GRIK2: variants seen among roughly 807,000 people sequenced by gnomAD.
The protein encoded by GRIK2 is glutamate receptor ionotropic, kainate 2.
GRIK2 carries 32 observed loss-of-function variants against 100.3 expected under a neutral mutation model. That is an observed-to-expected ratio of 0.32 (90% CI 0.24 to 0.43). The LOEUF (loss-of-function observed/expected upper bound fraction) is 0.43. Ranked by LOEUF, GRIK2 falls within the 20% of genes least tolerant of loss-of-function variation. The pLI, the probability that GRIK2 is intolerant of heterozygous loss-of-function variation, is 1.00. For synonymous variants in GRIK2, 417 were observed against 389.4 expected (o/e 1.07, Z -0.83); for missense variants, 843 against 1,114.9 (o/e 0.76, Z 3.47).
At chr6:102,002,890 T>C (rs1021134667) in intron 14 of GRIK2, among the ~76,000 whole-genome samples, 2 of 142,276 alleles carry the variant, frequency 1.4e-5, no homozygotes, top group Non-Finnish European at 3.1e-5. Context: ...TATATTCTAT[T>C]CATCTATGTT....
Position 101,897,425 on chromosome 6 carries a change from T to TGAG in GRIK2, c.1748+7562_1748+7563insGAG, listed in dbSNP as rs150080890. 5.7e-3 allele frequency among the ~76,000 whole-genome samples: 870 copies of TGAG among 151,866 alleles called. 10 individuals are homozygous for TGAG. Among genetic ancestry groups the TGAG allele is most frequent in the African/African-American group, 0.02 (828 of 41,524 alleles). ...TGAATTGCTTGTAAGAATACACCTC[T>TGAG]CCAGGCTGGTCTGTCTGTGGTAATT... is the stretch of plus-strand genomic sequence containing the variant. On this transcript the variant is annotated intron_variant, in intron 12 of 16. Coordinates refer to ENST00000369134, the MANE Select transcript of GRIK2 (RefSeq NM_021956.5).
intron 2 of GRIK2, among the ~76,000 whole-genome samples, chr6:101,545,773 A>G (rs1391473614): frequency 4.6e-5 from 7 of 152,194 alleles, no homozygotes; most frequent in Non-Finnish European, 8.8e-5. Flanking sequence ...CACAAACCTT[A>G]AAGTCTTTCT....
chr6:101,689,184 G>T (rs1771917375), intron 7 of GRIK2, among the ~76,000 whole-genome samples: 1 of 151,980 alleles, frequency 6.6e-6, no homozygotes, highest in Admixed American at 6.6e-5. Flanking sequence ...AGAGAAAAAA[G>T]AATTATAGCC....
At chr6:101,926,195 GTTTTT>G (rs35007201) in intron 13 of GRIK2, among the ~76,000 whole-genome samples, 1 of 127,582 alleles carries the variant, frequency 7.8e-6, no homozygotes, top group Non-Finnish European at 1.6e-5. Context: ...GGGTCCAAGG[GTTTTT>G]TTTTTTTTTT....
chr6:101,852,945 CT>C (rs1323484749), intron 10 of GRIK2, among the ~76,000 whole-genome samples: 1 of 152,144 alleles, frequency 6.6e-6, no homozygotes, highest in Admixed American at 6.5e-5. Context: ...TTGTGTACCC[CT>C]GGGGAATAAA....
chr6:101,995,859 A>T (rs1190736672), intron 14 of GRIK2, among the ~76,000 whole-genome samples: 2 of 152,066 alleles, frequency 1.3e-5, no homozygotes, highest in African/African-American at 4.8e-5. Context: ...AGTCTAGTTT[A>T]AACAACATAC....
At chr6:101,494,375 AT>A (rs566394422) in intron 2 of GRIK2, among the ~76,000 whole-genome samples, 64 of 151,972 alleles carry the variant, frequency 4.2e-4, no homozygotes, top group African/African-American at 1.5e-3. Context: ...AATAAATTAA[AT>A]TTAAAAGAGT....
chr6:102,054,245 T>C (rs572696055), intron 15 of GRIK2, among the ~76,000 whole-genome samples: 4 of 152,322 alleles, frequency 2.6e-5, no homozygotes, highest in Admixed American at 6.5e-5. Context: ...TTTCTACTTT[T>C]ACATTGCCTA....
chr6:101,398,884 A>T, intron 1 of GRIK2, 101 bp from the exon 2 acceptor site: 1 of 423,904 alleles, frequency 2.4e-6, no homozygotes, highest in Non-Finnish European at 4.1e-6. Context: ...AACCTTTGCT[A>T]GCAAAGCGCC....
chr6:101,865,780 T>C (rs1433794607), intron 11 of GRIK2, among the ~76,000 whole-genome samples: 2 of 151,458 alleles, frequency 1.3e-5, no homozygotes, highest in Admixed American at 1.3e-4. Context: ...TCCCAGCTAC[T>C]TGGGAGGCTG....
chr6:101,809,839 C>T (rs549728157), intron 9 of GRIK2, among the ~76,000 whole-genome samples: 3 of 151,872 alleles, frequency 2.0e-5, no homozygotes, highest in East Asian at 1.9e-4. Flanking sequence ...AGAACTGTAC[C>T]GACATTTTTG....
chr6:101,529,882 T>A (rs985397566), intron 2 of GRIK2, among the ~76,000 whole-genome samples: 3 of 152,122 alleles, frequency 2.0e-5, no homozygotes. Context: ...AATTCATTTT[T>A]ATTAACAATT....
intron 2 of GRIK2, among the ~76,000 whole-genome samples, chr6:101,598,716 A>T (rs551206858): frequency 1.3e-5 from 2 of 151,628 alleles, no homozygotes; most frequent in East Asian, 3.9e-4. Flanking sequence ...ACCACAAGGA[A>T]TTCAGTAGTC....
Position 101,590,103 on chromosome 6 carries a change from T to C in GRIK2, c.116-31846T>C, listed in dbSNP as rs904244308. Among the ~76,000 whole-genome samples, 3 of 152,242 alleles carry C rather than the reference T, an allele frequency of 2.0e-5. No homozygotes were observed. In the East Asian group the frequency reaches 5.8e-4, roughly 29 times the overall value. On this transcript the variant is annotated intron_variant, in intron 2 of 16. Coordinates refer to ENST00000369134, the MANE Select transcript of GRIK2 (RefSeq NM_021956.5). ...TTCTTTATTTTAAAAACATAGTATA[T>C]TTGAAGGAAACTCAGGCTTGTTTTT...
At chr6:101,521,916 A>C (rs918236483) in intron 2 of GRIK2, among the ~76,000 whole-genome samples, 3 of 152,104 alleles carry the variant, frequency 2.0e-5, no homozygotes, top group Non-Finnish European at 4.4e-5. Flanking sequence ...TTAGTTTATT[A>C]TCTAAACAGT....
At chr6:101,830,531 C>T (rs114661857) in intron 10 of GRIK2, among the ~76,000 whole-genome samples, 3,693 of 151,736 alleles carry the variant, frequency 0.024, 163 homozygotes, top group African/African-American at 0.084. Flanking sequence ...GGAAATATCC[C>T]CATTAAAAAG....
At chr6:101,679,648 T>C (rs950129333) in intron 5 of GRIK2, among the ~76,000 whole-genome samples, 2 of 152,180 alleles carry the variant, frequency 1.3e-5, no homozygotes, top group African/African-American at 4.8e-5. Context: ...TATTAACTAA[T>C]CTTTTAAGAG....
chr6:101,509,510 A>G (rs1360652585), intron 2 of GRIK2, among the ~76,000 whole-genome samples: 2 of 152,228 alleles, frequency 1.3e-5, no homozygotes, highest in Non-Finnish European at 2.9e-5. Context: ...ATGTGCTGCC[A>G]TCTTCTTATC....
chr6:101,804,199 T>C (rs953916937), intron 9 of GRIK2, among the ~76,000 whole-genome samples: 13 of 151,986 alleles, frequency 8.6e-5, no homozygotes, highest in African/African-American at 3.1e-4. Flanking sequence ...TTATTGATTG[T>C]TAGAAAATCA....
Sources: allele counts gnomAD v4.1 joint callset (sites outside exome capture counted in the v4.1 genomes callset), GRCh38; gene constraint gnomAD v4.1.1; transcripts MANE v1.5; gene names NCBI Gene and HGNC (gene_info 2026-07-23, HGNC 2026-07-21).